TBC1D32: variants seen among roughly 807,000 people sequenced by gnomAD.
TBC1D32 encodes TBC1 domain family member 32.
A neutral mutation model predicts 170.3 loss-of-function variants in TBC1D32; 151 were observed. The observed-to-expected ratio is 0.89, with a 90% confidence interval of 0.78 to 1.01. The LOEUF (loss-of-function observed/expected upper bound fraction) is 1.01. Among genes scored for constraint, TBC1D32 ranks in the 50% least tolerant of loss-of-function variants. TBC1D32 has a pLI of 0.00. For missense variants in TBC1D32, 1,464 were observed against 1,457.1 expected, an observed-to-expected ratio of 1.00 and a Z score of -0.08; for synonymous variants, 498 against 488.0, an observed-to-expected ratio of 1.02 and a Z score of -0.27.
At chr6:121,084,148 A>T (rs1409687028) in intron 31 of TBC1D32, among the ~76,000 whole-genome samples, 1 of 151,674 alleles carries the variant, frequency 6.6e-6, no homozygotes, top group Admixed American at 6.6e-5. Flanking sequence ...GGCACCTTAG[A>T]CTCCTCCATG....
At chr6:121,233,124 C>T (rs1456062433) in intron 20 of TBC1D32, among the ~76,000 whole-genome samples, 1 of 151,944 alleles carries the variant, frequency 6.6e-6, no homozygotes, top group East Asian at 1.9e-4. Context: ...TTTTTGTGGC[C>T]TCTCATATGG....
intron 15 of TBC1D32, among the ~76,000 whole-genome samples, chr6:121,268,785 G>C (rs1800912520): frequency 6.6e-6 from 1 of 152,072 alleles, no homozygotes; most frequent in South Asian, 2.1e-4. Flanking sequence ...TCCTCAAGAA[G>C]AGCAACTGCA....
intron 24 of TBC1D32, 31 bp from the exon 25 acceptor site, chr6:121,131,783 A>G: frequency 6.5e-7 from 1 of 1,530,104 alleles, no homozygotes; most frequent in South Asian, 1.2e-5. Flanking sequence ...CTATTATAAT[A>G]AGACATGCTA....
At chr6:121,129,549 A>T (rs923286510) in intron 25 of TBC1D32, among the ~76,000 whole-genome samples, 2 of 152,244 alleles carry the variant, frequency 1.3e-5, no homozygotes, top group African/African-American at 2.4e-5. Context: ...GTGATAATAT[A>T]TGAAGGATGA....
At chr6:121,128,197 A>G (rs1223471881) in intron 25 of TBC1D32, among the ~76,000 whole-genome samples, 1 of 152,202 alleles carries the variant, frequency 6.6e-6, no homozygotes, top group Non-Finnish European at 1.5e-5. Context: ...CTAGATTTCT[A>G]CTGATGCCTA....
chr6:121,317,756 T>C, intron 2 of TBC1D32, 84 bp from the exon 3 acceptor site: 2 of 1,023,592 alleles, frequency 2.0e-6, no homozygotes, highest in Non-Finnish European at 1.4e-6. Context: ...ATTTTTTTTC[T>C]ATAAAAAGGG....
At chr6:121,228,608 G>C (rs567235560) in intron 20 of TBC1D32, among the ~76,000 whole-genome samples, 58 of 152,100 alleles carry the variant, frequency 3.8e-4, no homozygotes, top group Non-Finnish European at 2.2e-4. Context: ...TGTGGTTATA[G>C]AATGTACTTC....
At chr6:121,294,705 A>G (rs771856773) in intron 10 of TBC1D32, 45 bp from the exon 11 acceptor site, 2 of 1,416,252 alleles carry the variant, frequency 1.4e-6, no homozygotes, top group Non-Finnish European at 2.0e-6. Context: ...TGCAGCCCTC[A>G]AGTCCAAGAA....
intron 21 of TBC1D32, among the ~76,000 whole-genome samples, chr6:121,219,500 A>C (rs1794245970): frequency 6.6e-6 from 1 of 152,222 alleles, no homozygotes; most frequent in Non-Finnish European, 1.5e-5. Context: ...ATTTTGGACT[A>C]TATCATAAAA....
chr6:121,148,651 T>C (rs771047593), intron 24 of TBC1D32, among the ~76,000 whole-genome samples: 1 of 152,106 alleles, frequency 6.6e-6, no homozygotes, highest in African/African-American at 2.4e-5. Flanking sequence ...TCTCGCTCTG[T>C]CACCTGGGCT....
chr6:121,332,619 T>C (rs7742017), intron 1 of TBC1D32, among the ~76,000 whole-genome samples: 62,556 of 152,042 alleles, frequency 0.41, 16,035 homozygotes, highest in Non-Finnish European at 0.59. Flanking sequence ...AACAACTCCA[T>C]GTAAAATAAA....
intron 26 of TBC1D32, among the ~76,000 whole-genome samples, chr6:121,123,316 T>C (rs548436804): frequency 1.3e-5 from 2 of 152,246 alleles, no homozygotes; most frequent in South Asian, 4.1e-4. Flanking sequence ...CTGGATGATC[T>C]ATCCTTGGCC....
chr6:121,088,887 A>G (rs553690178), intron 31 of TBC1D32, among the ~76,000 whole-genome samples: 11 of 152,306 alleles, frequency 7.2e-5, no homozygotes, highest in African/African-American at 2.2e-4. Flanking sequence ...TTTAGTTTTA[A>G]ACTGACAGCA....
intron 25 of TBC1D32, among the ~76,000 whole-genome samples, chr6:121,129,422 A>G (rs1414079687): frequency 6.6e-6 from 1 of 152,208 alleles, no homozygotes. Flanking sequence ...CTTATGATGC[A>G]TTTATTAGGA....
chr6:121,105,652 T>C (rs1225378938), intron 30 of TBC1D32, among the ~76,000 whole-genome samples: 1 of 151,958 alleles, frequency 6.6e-6, no homozygotes, highest in Non-Finnish European at 1.5e-5. Flanking sequence ...TACAGGTTAA[T>C]CCGCGGGGAT....
At chr6:121,223,177 A>T in intron 21 of TBC1D32, 59 bp downstream of exon 21, 1 of 1,114,362 alleles carries the variant, frequency 9.0e-7, no homozygotes, top group Non-Finnish European at 1.3e-6. Flanking sequence ...TTACCTTTTT[A>T]CTACCAATCT....
chr6:121,102,077 C>G (rs988108197), intron 30 of TBC1D32, among the ~76,000 whole-genome samples: 1 of 151,764 alleles, frequency 6.6e-6, no homozygotes, highest in Non-Finnish European at 1.5e-5. Flanking sequence ...CACTACTCAA[C>G]GAAATAAAAG....
intron 15 of TBC1D32, among the ~76,000 whole-genome samples, chr6:121,258,733 C>T (rs2128400780): frequency 6.6e-6 from 1 of 152,150 alleles, no homozygotes; most frequent in South Asian, 2.1e-4. Flanking sequence ...AACAACATAT[C>T]CTGAAAATAA....
chr6:121,277,381 G>C (rs957547556), intron 15 of TBC1D32, among the ~76,000 whole-genome samples: 1 of 151,428 alleles, frequency 6.6e-6, no homozygotes, highest in Admixed American at 6.6e-5. Flanking sequence ...CCAGCTACTT[G>C]GGAGGTTGAG....
Sources: allele counts gnomAD v4.1 joint callset (sites outside exome capture counted in the v4.1 genomes callset), GRCh38; gene constraint gnomAD v4.1.1; transcripts MANE v1.5; gene names NCBI Gene and HGNC (gene_info 2026-07-23, HGNC 2026-07-21).